Variants in IGF1 observed in about 807,000 individuals in gnomAD.
IGF1 encodes insulin-like growth factor 1.
Under a neutral mutation model 13.8 loss-of-function variants are expected in IGF1, and 4 were observed. The ratio of observed to expected loss-of-function variants is 0.29; its 90% CI spans 0.14 to 0.66. IGF1 has a LOEUF of 0.66. IGF1 is among the 30% of genes least tolerant of loss of function. The probability of loss-of-function intolerance (pLI) is 0.78; values close to 1 mark genes in which losing one functional copy is unlikely to be tolerated. For missense variants in IGF1, 124 were observed against 188.5 expected, an observed-to-expected ratio of 0.66 and a Z score of 2.00; for synonymous variants, 76 against 72.6, an observed-to-expected ratio of 1.05 and a Z score of -0.23.
intron 2 of IGF1, among the ~76,000 whole-genome samples, chr12:102,441,924 T>TCTTCTTCTTCTCCTTCTC (rs1877813001): frequency 8.0e-6 from 1 of 125,426 alleles, no homozygotes; most frequent in Admixed American, 9.2e-5. Context: ...TCCTTCTTCT[T>TCTTCTTCTTCTCCTTCTC]CTTCTTCTTC....
intron 2 of IGF1, among the ~76,000 whole-genome samples, chr12:102,471,566 A>G (rs1165893086): frequency 3.3e-5 from 5 of 152,214 alleles, no homozygotes; most frequent in Non-Finnish European, 5.9e-5. Context: ...GTTTTAACCC[A>G]TGAAGAATGC....
rs138800999 is a variant in IGF1, at chr12:102,415,471, GA to G, written c.402+4037del. Among the ~76,000 whole-genome samples the G allele has an allele frequency of 7.4e-3, 1,122 of 151,944 alleles. 13 individuals are homozygous for G. The highest frequency in any genetic ancestry group is 0.026 in the African/African-American group (1,058 of 41,438). On this transcript the variant is annotated intron_variant, in intron 3 of 3. Transcript: ENST00000337514. ...GAGTTGATAAAACTCATTCCGAAAA[GA>G]ACTGTCTTATAGTACATAGTTTGCT...
At chr12:102,403,352 T>C (rs1446302749) in intron 3 of IGF1, among the ~76,000 whole-genome samples, 1 of 152,202 alleles carries the variant, frequency 6.6e-6, no homozygotes, top group Non-Finnish European at 1.5e-5. Context: ...TTCTTAGTAT[T>C]GTCATCTTTA....
chr12:102,444,535 T>C (rs765106928), intron 2 of IGF1, among the ~76,000 whole-genome samples: 55 of 152,204 alleles, frequency 3.6e-4, no homozygotes, highest in Admixed American at 2.2e-3. Context: ...ACAAAGTTAT[T>C]TACTGTCTAC....
intron 2 of IGF1, among the ~76,000 whole-genome samples, chr12:102,445,831 C>T (rs1878270842): frequency 6.6e-6 from 1 of 152,146 alleles, no homozygotes; most frequent in Non-Finnish European, 1.5e-5. Context: ...GGGAGTGCTT[C>T]CAGCTTTTGC....
rs1555244052 is a variant in IGF1 at position 102,441,915 on chromosome 12, C to CTTCTTCTTCTTCTTCTTCTTCTTCTT, written c.221-22226_221-22225insAAGAAGAAGAAGAAGAAGAAGAAGAA. 6.5e-3 allele frequency among the ~76,000 whole-genome samples: 799 copies of CTTCTTCTTCTTCTTCTTCTTCTTCTT among 122,026 alleles called. 47 individuals carry two copies. The highest frequency in any genetic ancestry group is 0.038 in the East Asian group (149 of 3,952). 80.1% of individuals were successfully genotyped at this position (122,026 alleles called of 152,430 possible). A position where few individuals can be genotyped will look rare whatever the true frequency, so the allele number is the denominator to read the frequency against. On this transcript the variant is annotated intron_variant, in intron 2 of 3. Transcript: ENST00000337514. ...GTCATTCTATTACACTGCTTCTTCT[C>CTTCTTCTTCTTCTTCTTCTTCTTCTT]CTTCTTCTTCTTCTTCTTCTTCTTC...
intron 2 of IGF1, among the ~76,000 whole-genome samples, chr12:102,425,232 G>A (rs1876096315): frequency 6.6e-6 from 1 of 152,060 alleles, no homozygotes; most frequent in South Asian, 2.1e-4. Flanking sequence ...ATTGACCTTT[G>A]GCATCTTAAA....
chr12:102,417,243 A>G (rs1236615345), intron 3 of IGF1, among the ~76,000 whole-genome samples: 1 of 152,180 alleles, frequency 6.6e-6, no homozygotes, highest in African/African-American at 2.4e-5. Flanking sequence ...ACCTCTTCTC[A>G]AAAGTTACCT....
chr12:102,477,184 T>C (rs1173748095), intron 1 of IGF1, among the ~76,000 whole-genome samples: 1 of 151,850 alleles, frequency 6.6e-6, no homozygotes, highest in Non-Finnish European at 1.5e-5. Flanking sequence ...ACTCTCAATT[T>C]AGTGGCTCTA....
At chr12:102,449,075 T>G (rs989212109) in intron 2 of IGF1, among the ~76,000 whole-genome samples, 1 of 152,140 alleles carries the variant, frequency 6.6e-6, no homozygotes, top group Non-Finnish European at 1.5e-5. Flanking sequence ...TATAAATTAT[T>G]CTACTATAAA....
rs1873628692 is a variant in IGF1 at position 102,400,887 on chromosome 12, C to G, written c.*1620G>C. On this transcript the variant is annotated 3_prime_UTR_variant, in exon 4 of 4. Coordinates refer to ENST00000337514, the MANE Select transcript of IGF1 (RefSeq NM_000618.5). Reference sequence around the variant, plus strand: ...TTCACTTATCTTTGTATTCATAAAACCAAATGCAGAATTCAAAATCAAATT... The same window carrying G: ...TTCACTTATCTTTGTATTCATAAAAGCAAATGCAGAATTCAAAATCAAATT... 1 of 152,054 alleles carries G rather than the reference C, an allele frequency of 6.6e-6. No individual in the cohort carries two copies. The highest frequency in any genetic ancestry group is 2.4e-5 in the African/African-American group (1 of 41,396). The allele number at this position is 152,054 out of a possible 1,614,324, so 9.4% of individuals were successfully genotyped here.
chr12:102,422,332 T>C (rs900148802), intron 2 of IGF1, among the ~76,000 whole-genome samples: 5 of 152,232 alleles, frequency 3.3e-5, no homozygotes, highest in Non-Finnish European at 2.9e-5. Flanking sequence ...AGAGATGTTT[T>C]TCTTTGTCTA....
At chr12:102,428,906 G>T (rs1309869129) in intron 2 of IGF1, among the ~76,000 whole-genome samples, 2 of 152,158 alleles carry the variant, frequency 1.3e-5, no homozygotes, top group Non-Finnish European at 2.9e-5. Flanking sequence ...GTAACTACAT[G>T]TTATCTCTGA....
At chr12:102,428,236 G>GTGTATATATATA in intron 2 of IGF1, among the ~76,000 whole-genome samples, 2 of 69,584 alleles carry the variant, frequency 2.9e-5, no homozygotes, top group Middle Eastern at 8.6e-3. Flanking sequence ...TCAATAATGT[G>GTGTATATATATA]TATATATATA....
chr12:102,454,081 A>G (rs1156645072), intron 2 of IGF1, among the ~76,000 whole-genome samples: 13 of 152,146 alleles, frequency 8.5e-5, no homozygotes, highest in Admixed American at 6.6e-4. Context: ...CTAACACCCA[A>G]ACAACTGGCT....
At chr12:102,436,266 G>T in intron 2 of IGF1, among the ~76,000 whole-genome samples, 1 of 152,152 alleles carries the variant, frequency 6.6e-6, no homozygotes, top group Non-Finnish European at 1.5e-5. Flanking sequence ...AACAAGCCAG[G>T]TCTCAGGAAA....
chr12:102,441,915 C>CTT (rs1555244052), intron 2 of IGF1, among the ~76,000 whole-genome samples: 43 of 122,172 alleles, frequency 3.5e-4, no homozygotes, highest in African/African-American at 1.0e-3. Context: ...TGCTTCTTCT[C>CTT]CTTCTTCTTC....
At chr12:102,424,015 C>T (rs955995967) in intron 2 of IGF1, among the ~76,000 whole-genome samples, 1 of 152,152 alleles carries the variant, frequency 6.6e-6, no homozygotes, top group African/African-American at 2.4e-5. Context: ...TGAAACTTCC[C>T]ATCTTGCTTC....
chr12:102,480,210 G>A (rs188923852), intron 1 of IGF1, 109 bp downstream of exon 1: 1 of 1,081,338 alleles, frequency 9.2e-7, no homozygotes, highest in East Asian at 2.4e-5. Flanking sequence ...ATAACTCTCG[G>A]TTCCGAAACA....
Sources: gnomAD v4.1 joint callset for allele counts (sites outside exome capture counted in the v4.1 genomes callset) on GRCh38, gnomAD v4.1.1 for gene constraint, MANE v1.5 for transcripts, NCBI Gene and HGNC (gene_info 2026-07-23, HGNC 2026-07-21) for gene names.